Variants in UGGT2 observed in about 807,000 individuals in gnomAD.
UGGT2 encodes the protein UDP-glucose:glycoprotein glucosyltransferase 2.
Under a neutral mutation model 192.1 loss-of-function variants are expected in UGGT2, and 180 were observed. That is an observed-to-expected ratio of 0.94 (90% CI 0.83 to 1.06). UGGT2 has a LOEUF of 1.06. UGGT2 is among the 50% of genes least tolerant of loss of function. UGGT2 has a pLI of 0.00. For missense variants in UGGT2, 1,849 were observed against 1,795.7 expected (o/e 1.03, Z -0.54); for synonymous variants, 580 against 591.0 (o/e 0.98, Z 0.27).
At position 96,023,666 on chromosome 13, in the gene UGGT2, A is replaced by G. The variant is rs770918231; in HGVS notation, c.335T>C (p.Ile112Thr). The G allele has an allele frequency of 3.2e-5, 52 of 1,612,174 alleles. No homozygotes were observed. The highest frequency in any genetic ancestry group is 4.4e-5 in the Non-Finnish European group (52 of 1,178,732). The change falls in exon 3 of 39, where the codon ATA (isoleucine) becomes ACA (threonine). Residue 112 changes from isoleucine (I) to threonine (T), a missense_variant. Physicochemically the swap from Ile to Thr is moderately conservative, Grantham distance 89. Coordinates refer to ENST00000376747, the MANE Select transcript of UGGT2 (RefSeq NM_020121.4). ...CTGAATAGCTGGGGAGTATGCCCTT[A>G]TAGAGAAAGCAAACTTTAAAAGGTT... ...HINLLKFAFS[I>T]RAYSPAIQMF...
rs1339163702 is a variant in UGGT2, at chr13:95,986,354, T to C, written c.1010A>G (p.Gln337Arg). 1 of 1,600,738 alleles carries C rather than the reference T, an allele frequency of 6.2e-7. No homozygotes were observed. Among genetic ancestry groups the C allele is most frequent in the Admixed American group, 1.7e-5 (1 of 59,568 alleles). The change falls in exon 9 of 39, where the codon CAG becomes CGG. Residue 337 changes from glutamine to arginine, a missense_variant. By Grantham distance (43) the Gln-to-Arg change is conservative. Coordinates refer to ENST00000376747, the MANE Select transcript of UGGT2 (RefSeq NM_020121.4). Reference sequence around the variant, plus strand: ...ATACCTGGCTTTTATGGGGAAGTTCTGTGAAATGTCTTTCATTAATTTAAT... The same window carrying C: ...ATACCTGGCTTTTATGGGGAAGTTCCGTGAAATGTCTTTCATTAATTTAAT... ...DSIKLMKDIS[Q>R]NFPIKARSLT...
chr13:95,969,458 T>C (rs528711591), intron 12 of UGGT2, among the ~76,000 whole-genome samples: 1 of 152,242 alleles, frequency 6.6e-6, no homozygotes, highest in African/African-American at 2.4e-5. Context: ...ACCATCTGGA[T>C]TGTTAAGGAA....
intron 27 of UGGT2, among the ~76,000 whole-genome samples, chr13:95,878,426 A>AT (rs895160590): frequency 9.9e-5 from 15 of 152,038 alleles, no homozygotes; most frequent in African/African-American, 3.1e-4. Flanking sequence ...GTCTTCATAA[A>AT]TTTTTTTTGT....
At chr13:95,974,854 G>C (rs1444609520) in intron 10 of UGGT2, among the ~76,000 whole-genome samples, 1 of 152,076 alleles carries the variant, frequency 6.6e-6, no homozygotes, top group African/African-American at 2.4e-5. Context: ...GGCTGAGGCT[G>C]GTGGATCACT....
chr13:95,873,344 T>C (rs1327843191), intron 29 of UGGT2, among the ~76,000 whole-genome samples: 2 of 152,262 alleles, frequency 1.3e-5, no homozygotes, highest in African/African-American at 4.8e-5. Context: ...GACTATCTTT[T>C]CTACTGGAAT....
At chr13:96,029,562 A>T (rs1016641624) in intron 2 of UGGT2, among the ~76,000 whole-genome samples, 1 of 152,172 alleles carries the variant, frequency 6.6e-6, no homozygotes, top group African/African-American at 2.4e-5. Context: ...CTGGGATTAC[A>T]GGCATGAGCC....
In UGGT2 at chr13:95,994,299, CAATAT is replaced by C. The variant is rs1281226217; in HGVS notation, c.830+1759_830+1763del. Among the ~76,000 whole-genome samples, 4 of 151,310 alleles carry C rather than the reference CAATAT, an allele frequency of 2.6e-5. No individual in the cohort carries two copies. In the East Asian group the frequency reaches 7.7e-4, roughly 29 times the overall value. On this transcript the variant is annotated intron_variant, in intron 7 of 38. Coordinates refer to ENST00000376747, the MANE Select transcript of UGGT2 (RefSeq NM_020121.4). ...TAGAACTCCCTAAAAATAAAGAAACCAATATAATAAAGAGGAATATTTACCACAGC... is the reference window on the plus strand; with the variant it reads ...TAGAACTCCCTAAAAATAAAGAAACCAATAAAGAGGAATATTTACCACAGC...
rs112067840 is a variant in UGGT2 at position 96,014,297 on chromosome 13, A to G, written c.486-816T>C. ...CTCTACAATCATTCAGTCAATTACT[A>G]CCTTTGGATAACAAATATTAAGGAC... is the stretch of plus-strand genomic sequence containing the variant. On this transcript the variant is annotated intron_variant, in intron 4 of 38. Coordinates refer to ENST00000376747, the MANE Select transcript of UGGT2 (RefSeq NM_020121.4). Among the ~76,000 whole-genome samples the G allele has an allele frequency of 6.6e-4, 101 of 152,286 alleles. 1 individual carries two copies. The highest frequency in any genetic ancestry group is 2.1e-3 in the African/African-American group (87 of 41,556).
intron 20 of UGGT2, among the ~76,000 whole-genome samples, chr13:95,917,245 A>C (rs958900396): frequency 1.3e-5 from 2 of 152,172 alleles, no homozygotes; most frequent in Non-Finnish European, 2.9e-5. Context: ...GCCAATATTC[A>C]ACATTCTTAA....
intron 33 of UGGT2, among the ~76,000 whole-genome samples, chr13:95,858,506 C>T (rs1368377408): frequency 6.6e-6 from 1 of 152,074 alleles, no homozygotes; most frequent in East Asian, 1.9e-4. Flanking sequence ...CCCTGGTTGG[C>T]AATACTCCAC....
Position 95,903,051 on chromosome 13 carries a change from CA to C in UGGT2, c.2304del (p.Ser768ArgfsTer16). 1 of 1,609,292 alleles carries C rather than the reference CA, an allele frequency of 6.2e-7. No individual in the cohort carries two copies. Among genetic ancestry groups the C allele is most frequent in the Non-Finnish European group, 8.5e-7 (1 of 1,178,752 alleles). On this transcript the variant is annotated frameshift_variant, in exon 21 of 39. Transcript: ENST00000376747. LOFTEE classifies it high-confidence loss of function. ...LFNALKHMKT[S>X]VHSRLGIIYN... is the part of the protein sequence containing the mutation. ...TAAATAATCCCCAACCGACTATGAA[CA>C]CTTGTTTTCTGCAAACATATTTATA...
At chr13:95,997,385 C>A (rs576320220) in intron 6 of UGGT2, among the ~76,000 whole-genome samples, 1 of 152,134 alleles carries the variant, frequency 6.6e-6, no homozygotes, top group Non-Finnish European at 1.5e-5. Flanking sequence ...TGGTGGCTCA[C>A]GCCTGTAATC....
At chr13:95,847,940 T>C (rs1489104211) in intron 36 of UGGT2, among the ~76,000 whole-genome samples, 1 of 152,228 alleles carries the variant, frequency 6.6e-6, no homozygotes, top group Non-Finnish European at 1.5e-5. Context: ...CGCAAGTTCC[T>C]CTTGCTCCAC....
Position 95,857,452 on chromosome 13 carries a change from A to C in UGGT2, c.3826-1112T>G, listed in dbSNP as rs187277715. 3.2e-4 allele frequency among the ~76,000 whole-genome samples: 48 copies of C among 152,268 alleles called. No individual in the cohort carries two copies. The East Asian group carries it at 3.7e-3, about 12-fold the overall frequency. Reference sequence around the variant, plus strand: ...AAAAAAGTGCTATGAAGAAAAATTAAAAGGGAGAGGGAATTATAGTTTGTA... The same window carrying C: ...AAAAAAGTGCTATGAAGAAAAATTACAAGGGAGAGGGAATTATAGTTTGTA... On this transcript the variant is annotated intron_variant, in intron 33 of 38. Coordinates refer to ENST00000376747, the MANE Select transcript of UGGT2 (RefSeq NM_020121.4).
intron 5 of UGGT2, among the ~76,000 whole-genome samples, chr13:96,000,355 CTG>C (rs1180745773): frequency 1.3e-5 from 2 of 152,166 alleles, no homozygotes; most frequent in Admixed American, 6.5e-5. Context: ...GCCAGAGTGA[CTG>C]TTCTTTGGCC....
At chr13:95,972,432 C>G in intron 11 of UGGT2, 148 bp downstream of exon 11, 1 of 713,860 alleles carries the variant, frequency 1.4e-6, no homozygotes, top group Non-Finnish European at 2.3e-6. Flanking sequence ...TGGGCTTGCC[C>G]ATTTTGGTAG....
rs116208703 is a variant in UGGT2 at position 95,853,792 on chromosome 13, A to G, written c.4170-135T>C. The G allele has an allele frequency of 5.4e-4, 298 of 550,484 alleles. 1 individual carries two copies. The highest frequency in any genetic ancestry group is 5.3e-3 in the African/African-American group (268 of 50,368). 34.1% of individuals were successfully genotyped at this position (550,484 alleles called of 1,614,324 possible). A position where few individuals can be genotyped will look rare whatever the true frequency, so the allele number is the denominator to read the frequency against. On this transcript the variant is annotated intron_variant, in intron 35 of 38. Transcript: ENST00000376747. Reference sequence around the variant, plus strand: ...TCTAATAACAATTAATCCTTTCATAAATTTGCTCCTAATATCTAATACTGT... The same window carrying G: ...TCTAATAACAATTAATCCTTTCATAGATTTGCTCCTAATATCTAATACTGT...
intron 4 of UGGT2, among the ~76,000 whole-genome samples, chr13:96,019,837 G>A (rs1027131121): frequency 6.6e-6 from 1 of 152,182 alleles, no homozygotes; most frequent in African/African-American, 2.4e-5. Flanking sequence ...ACTGAGTAGA[G>A]TGACCACTTC....
At chr13:95,880,548 T>C (rs1291118847) in intron 27 of UGGT2, among the ~76,000 whole-genome samples, 1 of 152,240 alleles carries the variant, frequency 6.6e-6, no homozygotes, top group Non-Finnish European at 1.5e-5. Context: ...TTGAGGCACA[T>C]AAGGTAGTGT....
Sources: allele counts gnomAD v4.1 joint callset (sites outside exome capture counted in the v4.1 genomes callset), GRCh38; gene constraint gnomAD v4.1.1; transcripts MANE v1.5; gene names NCBI Gene and HGNC (gene_info 2026-07-23, HGNC 2026-07-21).